MAPT: variants seen among roughly 807,000 people sequenced by gnomAD.
The protein encoded by MAPT is microtubule-associated protein tau.
In MAPT, 34 loss-of-function variants were observed where a neutral mutation model predicts 67.9. That is an observed-to-expected ratio of 0.50 (90% CI 0.38 to 0.67). The LOEUF is 0.67. Among genes scored for constraint, MAPT ranks in the 30% least tolerant of loss-of-function variants. The pLI is 0.00. For synonymous variants in MAPT, 456 were observed against 464.5 expected, an observed-to-expected ratio of 0.98 and a Z score of 0.23; for missense variants, 881 against 1,115.2, an observed-to-expected ratio of 0.79 and a Z score of 2.99.
chr17:45,926,179 C>G (rs2144561792), intron 1 of MAPT, among the ~76,000 whole-genome samples: 1 of 150,640 alleles, frequency 6.6e-6, no homozygotes, highest in Admixed American at 6.6e-5. Flanking sequence ...CCACTGCACT[C>G]TAGTCTGGGC....
At chr17:46,007,985 T>A (rs2075563859) in intron 9 of MAPT, among the ~76,000 whole-genome samples, 1 of 152,232 alleles carries the variant, frequency 6.6e-6, no homozygotes, top group Non-Finnish European at 1.5e-5. Flanking sequence ...AATACAAATG[T>A]TGGATAGCAG....
At chr17:45,994,761 C>T (rs984411375) in intron 8 of MAPT, among the ~76,000 whole-genome samples, 10 of 152,118 alleles carry the variant, frequency 6.6e-5, no homozygotes, top group African/African-American at 1.7e-4. Flanking sequence ...TTTGGGAGGC[C>T]GAGGCGGGTG....
intron 1 of MAPT, among the ~76,000 whole-genome samples, chr17:45,929,052 GA>G (rs1321999920): frequency 1.3e-5 from 2 of 151,964 alleles, no homozygotes; most frequent in Admixed American, 6.6e-5. Context: ...ATCAGCTTGA[GA>G]ACCACTGATC....
chr17:46,023,363 G>A (rs1168467392), intron 12 of MAPT, among the ~76,000 whole-genome samples: 1 of 152,224 alleles, frequency 6.6e-6, no homozygotes, highest in Non-Finnish European at 1.5e-5. Flanking sequence ...CATCCGTGGC[G>A]ACGGAATACT....
At chr17:45,961,822 C>T (rs1322358348) in intron 1 of MAPT, among the ~76,000 whole-genome samples, 1 of 151,100 alleles carries the variant, frequency 6.6e-6, no homozygotes, top group Non-Finnish European at 1.5e-5. Context: ...GTCACCCAGG[C>T]TGGAGTGCAG....
rs1213524576 is a variant in MAPT, at chr17:45,983,714, C to T, written c.1135C>T (p.His379Tyr). ...GGATGCCCCCCTGGAGTTCACGTTT[C>T]ACGTGGAAATCACACCCAACGTGCA... is the stretch of plus-strand genomic sequence containing the variant. The part of the protein sequence containing the change: ...GQDAPLEFTF[H>Y]VEITPNVQKE... The change falls in exon 5 of 13, where the codon CAC (histidine) becomes TAC (tyrosine). Residue 379 changes from histidine (H) to tyrosine (Y), a missense_variant. Physicochemically the swap from His to Tyr is moderately conservative, Grantham distance 83. Transcript: ENST00000262410. 6.2e-7 allele frequency: 1 copy of T among 1,614,084 alleles called. No homozygotes were observed. Among genetic ancestry groups the T allele is most frequent in the Non-Finnish European group, 8.5e-7 (1 of 1,180,046 alleles).
At position 45,983,257 on chromosome 17, in the gene MAPT, C is replaced by T. The variant is rs537438059; in HGVS notation, c.678C>T (p.Ser226=). The T allele has an allele frequency of 4.0e-5, 64 of 1,600,496 alleles. 2 individuals are homozygous for T. In the South Asian group the frequency reaches 6.3e-4, roughly 16 times the overall value. ...GPPGLSHQLM[S]GMPGAPLLPE... ...CAGGTCTGAGCCACCAGCTCATGTC[C>T]GGCATGCCTGGGGCTCCCCTCCTGC... Residue 226 remains serine, a synonymous_variant, in exon 5 of 13, where the codon TCC becomes TCT. Coordinates refer to ENST00000262410, the MANE Select transcript of MAPT (RefSeq NM_001377265.1).
At chr17:45,936,139 G>A (rs1368954348) in intron 1 of MAPT, among the ~76,000 whole-genome samples, 1 of 152,224 alleles carries the variant, frequency 6.6e-6, no homozygotes, top group East Asian at 1.9e-4. Flanking sequence ...AATTACCCCT[G>A]TGTCCTTCAG....
chr17:45,935,683 C>T (rs919197617), intron 1 of MAPT, among the ~76,000 whole-genome samples: 12 of 152,292 alleles, frequency 7.9e-5, no homozygotes, highest in Middle Eastern at 6.8e-3. Context: ...TCTCCACCAT[C>T]GCCTTTGACC....
At chr17:46,001,520 G>C (rs2145900867) in intron 9 of MAPT, among the ~76,000 whole-genome samples, 1 of 152,272 alleles carries the variant, frequency 6.6e-6, no homozygotes, top group East Asian at 1.9e-4. Flanking sequence ...GCTCCTGGCT[G>C]GGCGCGGTGG....
At chr17:45,938,051 A>G (rs781518262) in intron 1 of MAPT, among the ~76,000 whole-genome samples, 3 of 152,156 alleles carry the variant, frequency 2.0e-5, no homozygotes, top group Non-Finnish European at 4.4e-5. Context: ...CCCCAAATCA[A>G]GTTGTCATTA....
At chr17:45,913,083 G>C (rs1222539087) in intron 1 of MAPT, among the ~76,000 whole-genome samples, 1 of 152,194 alleles carries the variant, frequency 6.6e-6, no homozygotes, top group Non-Finnish European at 1.5e-5. Flanking sequence ...GTATTAGTCC[G>C]TTTTCACGCT....
At chr17:45,916,404 A>G (rs1033000290) in intron 1 of MAPT, among the ~76,000 whole-genome samples, 23 of 152,162 alleles carry the variant, frequency 1.5e-4, no homozygotes, top group African/African-American at 5.6e-4. Flanking sequence ...CAGAACCCTG[A>G]ACTCCCCAGA....
At chr17:45,973,456 C>T (rs1023869299) in intron 3 of MAPT, 2 of 152,200 alleles carry the variant, frequency 1.3e-5, no homozygotes, top group African/African-American at 4.8e-5. Context: ...CCAAACAAGT[C>T]GCAATGCCCT....
Position 45,894,659 on chromosome 17 carries a change from TC to T in MAPT, c.-42del, listed in dbSNP as rs144722105. ...CACCTTCTCCTCCTCCGCTGTCCTC[TC>T]CCGTCCTCGCCTCTGTCGACTATCA... On this transcript the variant is annotated 5_prime_UTR_variant, in exon 1 of 13. Transcript: ENST00000262410. 0.14 allele frequency: 21,799 copies of T among 153,352 alleles called. 2,133 individuals carry two copies. The highest frequency in any genetic ancestry group is 0.23 in the Middle Eastern group (68 of 296). 9.5% of individuals were successfully genotyped at this position (153,352 alleles called of 1,614,324 possible).
chr17:45,955,452 T>C (rs1007817422), intron 1 of MAPT, among the ~76,000 whole-genome samples: 1 of 152,192 alleles, frequency 6.6e-6, no homozygotes, highest in Non-Finnish European at 1.5e-5. Context: ...TGCTGCCAAA[T>C]TCACCGAGGG....
At chr17:45,969,933 T>C (rs571649820) in intron 2 of MAPT, among the ~76,000 whole-genome samples, 2 of 150,570 alleles carry the variant, frequency 1.3e-5, no homozygotes, top group South Asian at 4.2e-4. Flanking sequence ...CATCTATACA[T>C]CATCCATTCA....
At chr17:46,017,343 G>A (rs1278103900) in intron 11 of MAPT, among the ~76,000 whole-genome samples, 1 of 151,702 alleles carries the variant, frequency 6.6e-6, no homozygotes, top group Admixed American at 6.6e-5. Context: ...GTGCGATCTC[G>A]GCTCACTGCA....
chr17:45,927,325 A>G (rs2066436145), intron 1 of MAPT, among the ~76,000 whole-genome samples: 1 of 152,096 alleles, frequency 6.6e-6, no homozygotes, highest in Non-Finnish European at 1.5e-5. Flanking sequence ...TTGACTTAGG[A>G]TGGAAGAAGC....
Sources: gnomAD v4.1 joint callset for allele counts (sites outside exome capture counted in the v4.1 genomes callset) on GRCh38, gnomAD v4.1.1 for gene constraint, MANE v1.5 for transcripts, NCBI Gene and HGNC (gene_info 2026-07-23, HGNC 2026-07-21) for gene names.